RHBDF1: variants seen among roughly 807,000 people sequenced by gnomAD.
RHBDF1 encodes the protein inactive rhomboid protein 1.
A neutral mutation model predicts 98.6 loss-of-function variants in RHBDF1; 80 were observed. That is an observed-to-expected ratio of 0.81 (90% CI 0.68 to 0.98). The LOEUF is 0.98. Among genes scored for constraint, RHBDF1 ranks in the 50% least tolerant of loss-of-function variants. RHBDF1 has a pLI of 0.00. For synonymous variants in RHBDF1, 512 were observed against 486.8 expected (o/e 1.05, Z -0.68); for missense variants, 1,116 against 1,198.3 (o/e 0.93, Z 1.01).
chr16:61,481 T>C, intron 9 of RHBDF1, 22 bp from the exon 10 acceptor site: 1 of 1,612,198 alleles, frequency 6.2e-7, no homozygotes, highest in South Asian at 1.1e-5. Flanking sequence ...GGGAGCGGGA[T>C]CAGACGGGCC....
intron 1 of RHBDF1, among the ~76,000 whole-genome samples, chr16:67,789 A>C (rs975089591): frequency 3.9e-5 from 6 of 152,224 alleles, no homozygotes; most frequent in Non-Finnish European, 7.3e-5. Flanking sequence ...TGATCACTGA[A>C]CAACGCAGGC....
chr16:59,218 G>A lies in RHBDF1; in HGVS notation c.1994+31C>T, dbSNP rs749180471. On this transcript the variant is annotated intron_variant, in intron 16 of 17. Transcript: ENST00000262316. ...AGCCAGCCAATCCTGAGGGCCCTGA[G>A]ACCCCCGACCCGGCCCACAGTGTCA... is the stretch of plus-strand genomic sequence containing the variant. The A allele has an allele frequency of 4.8e-5, 77 of 1,590,324 alleles. 2 individuals carry two copies. The South Asian group carries it at 8.6e-4, about 18-fold the overall frequency.
In RHBDF1 at chr16:61,258, G is replaced by T; in HGVS notation, c.1419C>A (p.Ala473=). 1 of 1,544,930 alleles carries T rather than the reference G, an allele frequency of 6.5e-7. No homozygotes were observed. ...CCTGGCGCATGCAGGGCGAAAACTT[G>T]GCGCCCAGGTGGATGAGGGCCTCCT... ...PSSEALIHLG[A]KFSPCMRQDP... The change falls in exon 11 of 18, where the codon GCC becomes GCA. Residue 473 remains alanine, a synonymous_variant. Coordinates refer to ENST00000262316, the MANE Select transcript of RHBDF1 (RefSeq NM_022450.5).
At chr16:58,867 C>T (rs569966140) in intron 17 of RHBDF1, 107 bp downstream of exon 17, 90 of 1,553,718 alleles carry the variant, frequency 5.8e-5, no homozygotes, top group African/African-American at 4.2e-4. Context: ...ATATTGGGAC[C>T]GAGGATCCAA....
upstream of RHBDF1, among the ~76,000 whole-genome samples, chr16:75,199 G>A (rs909557176): frequency 3.9e-5 from 6 of 152,206 alleles, no homozygotes; most frequent in Admixed American, 2.0e-4. Flanking sequence ...ATCAGCTGCA[G>A]TTGCCCAGCA....
rs750583403 is a variant in RHBDF1, at chr16:58,747, C to T, written c.2161G>A (p.Gly721Ser). ...LPYRAEVGPA[G>S]SQFGILACLF... ...CAGGCCAGGATGCCGAACTGGGAGC[C>T]AGCAGGACCCACCTGGGGGATGGTT... Residue 721 changes from glycine to serine, a missense_variant, in exon 18 of 18, where the codon GGC (glycine) becomes AGC (serine). By Grantham distance (56) the Gly-to-Ser change is moderately conservative. Coordinates refer to ENST00000262316, the MANE Select transcript of RHBDF1 (RefSeq NM_022450.5). The T allele has an allele frequency of 1.2e-6, 2 of 1,612,306 alleles. No homozygotes were observed. The highest frequency in any genetic ancestry group is 1.7e-6 in the Non-Finnish European group (2 of 1,179,584).
At chr16:71,458 TG>T (rs1201186156) in intron 1 of RHBDF1, among the ~76,000 whole-genome samples, 1 of 152,140 alleles carries the variant, frequency 6.6e-6, no homozygotes, top group Non-Finnish European at 1.5e-5. Flanking sequence ...GCTAGGAGGT[TG>T]GGGTTAGCTC....
At chr16:73,980 G>A (rs1260116925), upstream of RHBDF1, 1 of 983,838 alleles carries the variant, frequency 1.0e-6, no homozygotes, top group African/African-American at 1.7e-5. Context: ...CCACGGGATA[G>A]GGCGGTGCCT....
chr16:59,017 G>C lies in RHBDF1; in HGVS notation c.2105C>G (p.Thr702Ser). Residue 702 changes from threonine to serine, a missense_variant, in exon 17 of 18, where the codon ACC becomes AGC. Thr to Ser is a moderately conservative substitution (Grantham distance 58). Transcript: ENST00000262316. ...IAIIYLLSGVTGNLASAIFLP... is the reference protein window; with the variant it reads ...IAIIYLLSGVSGNLASAIFLP... ...GAAGATGGCACTGGCCAGGTTGCCG[G>C]TGACACCACTCAGCAGGTAGATGAT... is the stretch of plus-strand genomic sequence containing the variant. The C allele has an allele frequency of 6.2e-7, 1 of 1,613,284 alleles. No individual in the cohort carries two copies. The highest frequency in any genetic ancestry group is 8.5e-7 in the Non-Finnish European group (1 of 1,180,014).
chr16:64,433 G>T (rs1321508035), intron 3 of RHBDF1: 18 of 1,455,388 alleles, frequency 1.2e-5, no homozygotes, highest in Non-Finnish European at 1.7e-5. Flanking sequence ...AAGCGTACTT[G>T]TCGGCTGCTA....
At position 71,132 on chromosome 16, in the gene RHBDF1, G is replaced by C. The variant is rs1190570510; in HGVS notation, c.-25+1381C>G. Among the ~76,000 whole-genome samples, 3 of 152,264 alleles carry C rather than the reference G, an allele frequency of 2.0e-5. No homozygotes were observed. In the East Asian group the frequency reaches 5.8e-4, roughly 29 times the overall value. On this transcript the variant is annotated intron_variant, in intron 1 of 17. Transcript: ENST00000262316. ...ACCTGGACGACTCCCCCTAAACCAAGAGCGCACCCTAGAAAGTCAGCTCCC... is the reference window on the plus strand; with the variant it reads ...ACCTGGACGACTCCCCCTAAACCAACAGCGCACCCTAGAAAGTCAGCTCCC...
Position 62,979 on chromosome 16 carries a change from C to T in RHBDF1, c.666G>A (p.Leu222=). The change falls in exon 5 of 18, where the codon CTG becomes CTA. Residue 222 remains leucine, a synonymous_variant. Coordinates refer to ENST00000262316, the MANE Select transcript of RHBDF1 (RefSeq NM_022450.5). The part of the protein sequence containing the change: ...AKMSFRAAAA[L]MKGRSVRDGT... ...CTTTGGCCCCTGCACCCACTTTCAT[C>T]AGCGCTGCGGCCGCCCGGAAGCTCA... 1 of 1,612,018 alleles carries T rather than the reference C, an allele frequency of 6.2e-7. No individual in the cohort carries two copies. Among genetic ancestry groups the T allele is most frequent in the Non-Finnish European group, 8.5e-7 (1 of 1,179,294 alleles).
intron 3 of RHBDF1, 58 bp downstream of exon 3, chr16:64,641 C>T: frequency 6.4e-7 from 1 of 1,567,576 alleles, no homozygotes; most frequent in Non-Finnish European, 8.7e-7. Flanking sequence ...TGTGTACCTG[C>T]CTCTGCCCCA....
At chr16:67,126 G>A (rs527430197) in intron 1 of RHBDF1, among the ~76,000 whole-genome samples, 1 of 152,158 alleles carries the variant, frequency 6.6e-6, no homozygotes, top group African/African-American at 2.4e-5. Flanking sequence ...AGCCAGGAGG[G>A]GCCACCTCTG....
Position 63,967 on chromosome 16 carries a change from C to T in RHBDF1, c.249-167G>A, listed in dbSNP as rs79758838. 22 of 761,362 alleles carry T rather than the reference C, an allele frequency of 2.9e-5. 1 individual carries two copies. The highest frequency in any genetic ancestry group is 2.2e-4 in the Middle Eastern group (1 of 4,462). The allele number at this position is 761,362 out of a possible 1,614,324, so 47.2% of individuals were successfully genotyped here. ...TAAGAGGATGAGTGGGTTCCAGCCA[C>T]CCCCTGAACTGTTAGCCAACTCCAA... On this transcript the variant is annotated intron_variant, in intron 3 of 17. Coordinates refer to ENST00000262316, the MANE Select transcript of RHBDF1 (RefSeq NM_022450.5).
At chr16:76,006 G>T (rs991756387), upstream of RHBDF1, among the ~76,000 whole-genome samples, 7 of 152,168 alleles carry the variant, frequency 4.6e-5, no homozygotes, top group African/African-American at 9.7e-5. Flanking sequence ...AGGCTCCAGC[G>T]ACTGATGGCC....
At chr16:60,014 C>A in intron 13 of RHBDF1, 188 bp from the exon 14 acceptor site, 1 of 1,474,062 alleles carries the variant, frequency 6.8e-7, no homozygotes, top group Non-Finnish European at 9.0e-7. Flanking sequence ...CCTTTCAAGT[C>A]TCCATCTAGT....
chr16:64,285 A>G, intron 3 of RHBDF1: 1 of 1,334,576 alleles, frequency 7.5e-7, no homozygotes, highest in Non-Finnish European at 9.9e-7. Flanking sequence ...GTCACATGCC[A>G]AGCACATGCC....
chr16:62,946 AACCCCGCCTTTGGCCCCTGC>A lies in RHBDF1; in HGVS notation c.672+7_672+26del. 6.2e-7 allele frequency: 1 copy of A among 1,612,434 alleles called. No individual in the cohort carries two copies. The highest frequency in any genetic ancestry group is 8.5e-7 in the Non-Finnish European group (1 of 1,179,446). ...AGACCCGGCTGCTGGGTCGGCCCCC[AACCCCGCCTTTGGCCCCTGC>A]ACCCACTTTCATCAGCGCTGCGGCC... On this transcript the variant is annotated splice_region_variant and intron_variant, in intron 5 of 17. Coordinates refer to ENST00000262316, the MANE Select transcript of RHBDF1 (RefSeq NM_022450.5).
Sources: gnomAD v4.1 joint callset for allele counts (sites outside exome capture counted in the v4.1 genomes callset) on GRCh38, gnomAD v4.1.1 for gene constraint, MANE v1.5 for transcripts, NCBI Gene and HGNC (gene_info 2026-07-23, HGNC 2026-07-21) for gene names.